Variants in KCNG3 observed in about 807,000 individuals in gnomAD.
The protein encoded by KCNG3 is voltage-gated potassium channel regulatory subunit KCNG3.
In KCNG3, 15 loss-of-function variants were observed where a neutral mutation model predicts 29.0. The observed-to-expected ratio is 0.52, with a 90% CI of 0.35 to 0.80. The LOEUF is 0.80. Among genes scored for constraint, KCNG3 ranks in the 30% least tolerant of loss-of-function variants. KCNG3 has a pLI of 0.01. For synonymous variants in KCNG3, 322 were observed against 248.9 expected (o/e 1.29, Z -2.76); for missense variants, 512 against 605.7 (o/e 0.85, Z 1.62).
At chr2:42,423,199 T>G in the KCNG3 span, among the ~76,000 whole-genome samples, 2 of 152,220 alleles carry the variant, frequency 1.3e-5, no homozygotes, top group Admixed American at 1.3e-4. Context: ...TCTCTTTCTA[T>G]CTCTCTCTCA....
At chr2:42,440,275 G>A (rs1247410038), downstream of KCNG3, 1 of 152,128 alleles carries the variant, frequency 6.6e-6, no homozygotes, top group Non-Finnish European at 1.5e-5. Flanking sequence ...CATTTATGAA[G>A]GGTCAGAGGA....
chr2:42,390,870 T>G, the KCNG3 span, among the ~76,000 whole-genome samples: 1 of 152,180 alleles, frequency 6.6e-6, no homozygotes, highest in Non-Finnish European at 1.5e-5. Context: ...TTCCCCTCAT[T>G]TTCTCCGAGA....
At chr2:42,412,739 A>T in the KCNG3 span, among the ~76,000 whole-genome samples, 1 of 152,108 alleles carries the variant, frequency 6.6e-6, no homozygotes, top group African/African-American at 2.4e-5. Context: ...TTATACTAGT[A>T]ATTGAGAATT....
chr2:42,410,504 C>T, the KCNG3 span, among the ~76,000 whole-genome samples: 2 of 152,030 alleles, frequency 1.3e-5, no homozygotes, highest in Non-Finnish European at 2.9e-5. Context: ...AAAAATGGCA[C>T]CTTAGTCTAG....
rs59566876 is a variant in KCNG3, at chr2:42,471,885, C to CAA, written c.665+20950_665+20951dup. Among the ~76,000 whole-genome samples, 88 of 63,858 alleles carry CAA rather than the reference C, an allele frequency of 1.4e-3. 3 individuals carry two copies. The South Asian group carries it at 0.018, about 13-fold the overall frequency. 41.9% of individuals were successfully genotyped at this position (63,858 alleles called of 152,430 possible). A position where few individuals can be genotyped will look rare whatever the true frequency, so the allele number is the denominator to read the frequency against. ...AGTGACACAGCGAGACCCTGTATCT[C>CAA]AAAAAAAAAAAAAAAAAAGAAAGAA... is the stretch of plus-strand genomic sequence containing the variant. On this transcript the variant is annotated intron_variant, in intron 1 of 1. Transcript: ENST00000306078.
chr2:42,493,295 G>A lies in KCNG3; in HGVS notation c.207C>T (p.Ala69=), dbSNP rs533583335. The part of the protein sequence containing the change: ...NEYFFDRHSE[A]FGFILLYVRG... The stretch of plus-strand genomic sequence containing the variant: ...GCACGTAGAGCAGGATGAAGCCGAA[G>A]GCCTCCGAGTGCCGGTCGAAGAAGT... The change falls in exon 1 of 2, where the codon GCC becomes GCT. Residue 69 remains alanine, a synonymous_variant. Transcript: ENST00000306078. The A allele has an allele frequency of 5.0e-6, 8 of 1,611,698 alleles. No individual in the cohort carries two copies. Among genetic ancestry groups the A allele is most frequent in the East Asian group, 2.2e-5 (1 of 44,824 alleles).
chr2:42,401,467 G>T, the KCNG3 span, among the ~76,000 whole-genome samples: 2 of 151,528 alleles, frequency 1.3e-5, no homozygotes, highest in Non-Finnish European at 2.9e-5. Context: ...TTGGAGACAG[G>T]TTCTTGCTCT....
In KCNG3 at chr2:42,493,822, C is replaced by G; in HGVS notation, c.-321G>C. On this transcript the variant is annotated 5_prime_UTR_variant, in exon 1 of 2. Transcript: ENST00000306078. ...CCCTCGCGCCCGAGGGCTGCGCACA[C>G]CGAGGCCGCGGTGCCCTCTCCCAAG... 1 of 231,824 alleles carries G rather than the reference C, an allele frequency of 4.3e-6. No homozygotes were observed. The highest frequency in any genetic ancestry group is 8.4e-6 in the Non-Finnish European group (1 of 119,748). 14.4% of individuals were successfully genotyped at this position (231,824 alleles called of 1,614,324 possible). A position where few individuals can be genotyped will look rare whatever the true frequency, so the allele number is the denominator to read the frequency against.
At chr2:42,435,598 G>C in the KCNG3 span, among the ~76,000 whole-genome samples, 2 of 152,038 alleles carry the variant, frequency 1.3e-5, no homozygotes, top group African/African-American at 2.4e-5. Flanking sequence ...TTTTTTTAAG[G>C]GCAGGGGTTT....
chr2:42,448,236 C>T (rs960026900), intron 1 of KCNG3, among the ~76,000 whole-genome samples: 2 of 152,154 alleles, frequency 1.3e-5, no homozygotes, highest in African/African-American at 4.8e-5. Context: ...ACTACTGTTC[C>T]TTGAAATACC....
chr2:42,463,986 A>G, intron 1 of KCNG3: 1 of 296,878 alleles, frequency 3.4e-6, no homozygotes, highest in Non-Finnish European at 6.9e-6. Context: ...CGTACGTGGG[A>G]GGCTTAACCA....
chr2:42,466,010 T>C (rs1208036140), intron 1 of KCNG3, among the ~76,000 whole-genome samples: 2 of 152,320 alleles, frequency 1.3e-5, no homozygotes, highest in African/African-American at 4.8e-5. Context: ...ATACACCACA[T>C]AATGACATTT....
intron 1 of KCNG3, among the ~76,000 whole-genome samples, chr2:42,468,518 G>A (rs1361758737): frequency 1.3e-5 from 2 of 152,040 alleles, no homozygotes; most frequent in Non-Finnish European, 2.9e-5. Flanking sequence ...AAGTTATAAG[G>A]TACCTAGATA....
the KCNG3 span, among the ~76,000 whole-genome samples, chr2:42,392,070 C>T: frequency 5.3e-5 from 8 of 152,232 alleles, no homozygotes; most frequent in South Asian, 4.1e-4. Flanking sequence ...ATCTGAAATT[C>T]GCTAAATAAT....
chr2:42,436,031 C>T, the KCNG3 span, among the ~76,000 whole-genome samples: 2 of 152,136 alleles, frequency 1.3e-5, no homozygotes, highest in African/African-American at 2.4e-5. Context: ...TCTACCCATA[C>T]AAGGAAATAT....
chr2:42,486,630 A>G (rs1347150532), intron 1 of KCNG3, among the ~76,000 whole-genome samples: 1 of 152,174 alleles, frequency 6.6e-6, no homozygotes, highest in Non-Finnish European at 1.5e-5. Context: ...GCCCATTGCC[A>G]TCTCAGTGGC....
the KCNG3 span, among the ~76,000 whole-genome samples, chr2:42,405,499 C>T: frequency 4.0e-5 from 6 of 151,306 alleles, no homozygotes; most frequent in Non-Finnish European, 5.9e-5. Flanking sequence ...AATGCAGTGG[C>T]GTGATCTCAG....
chr2:42,415,599 A>G, the KCNG3 span: 1 of 152,234 alleles, frequency 6.6e-6, no homozygotes, highest in African/African-American at 2.4e-5. Flanking sequence ...TGTAGTTGTA[A>G]GGCATTAAGA....
the KCNG3 span, among the ~76,000 whole-genome samples, chr2:42,431,008 A>C: frequency 1.3e-5 from 2 of 151,698 alleles, no homozygotes; most frequent in African/African-American, 4.8e-5. Flanking sequence ...CAGGAGGCTA[A>C]GACATGAAAA....
Sources: allele counts gnomAD v4.1 joint callset (sites outside exome capture counted in the v4.1 genomes callset), GRCh38; gene constraint gnomAD v4.1.1; transcripts MANE v1.5; gene names NCBI Gene and HGNC (gene_info 2026-07-23, HGNC 2026-07-21).